Variants in ZZZ3 observed in about 807,000 individuals in gnomAD.
The protein encoded by ZZZ3 is ZZ-type zinc finger-containing protein 3.
ZZZ3 carries 22 observed loss-of-function variants against 95.2 expected under a neutral mutation model. The ratio of observed to expected loss-of-function variants is 0.23; its 90% CI spans 0.17 to 0.33. The LOEUF is 0.33. ZZZ3 is among the 10% of genes least tolerant of loss of function. ZZZ3 has a pLI of 1.00. For synonymous variants in ZZZ3, 335 were observed against 358.9 expected, an observed-to-expected ratio of 0.93 and a Z score of 0.75; for missense variants, 885 against 1,066.5, an observed-to-expected ratio of 0.83 and a Z score of 2.37.
At chr1:77,641,893 C>A (rs1020125880) in intron 1 of ZZZ3, among the ~76,000 whole-genome samples, 2 of 152,088 alleles carry the variant, frequency 1.3e-5, no homozygotes, top group African/African-American at 4.8e-5. Flanking sequence ...AATTTAATTC[C>A]ATACTTAAAC....
chr1:77,624,523 G>A (rs1427927639), intron 5 of ZZZ3, among the ~76,000 whole-genome samples: 1 of 152,044 alleles, frequency 6.6e-6, no homozygotes, highest in Non-Finnish European at 1.5e-5. Flanking sequence ...CTAGATTGGT[G>A]AACACATCTA....
At chr1:77,625,492 C>T (rs936564950) in intron 5 of ZZZ3, among the ~76,000 whole-genome samples, 15 of 151,978 alleles carry the variant, frequency 9.9e-5, no homozygotes, top group Admixed American at 2.0e-4. Flanking sequence ...AGGAAGGTGA[C>T]TCATGAAAGC....
chr1:77,670,109 C>T (rs1671621733), intron 1 of ZZZ3, among the ~76,000 whole-genome samples: 1 of 147,702 alleles, frequency 6.8e-6, no homozygotes. Context: ...AAATTAACAC[C>T]AGCATTTAGG....
chr1:77,594,118 A>C (rs1033946951), intron 5 of ZZZ3, among the ~76,000 whole-genome samples: 1 of 152,138 alleles, frequency 6.6e-6, no homozygotes, highest in Non-Finnish European at 1.5e-5. Context: ...AACTGGGCTT[A>C]TTGGCTCTGC....
rs564427098 is a variant in ZZZ3, at chr1:77,564,884, T to C, written c.*756A>G. 6.5e-6 allele frequency: 1 copy of C among 152,754 alleles called. No individual in the cohort carries two copies. The highest frequency in any genetic ancestry group is 2.4e-5 in the African/African-American group (1 of 41,584). 9.5% of individuals were successfully genotyped at this position (152,754 alleles called of 1,614,324 possible). A position where few individuals can be genotyped will look rare whatever the true frequency, so the allele number is the denominator to read the frequency against. On this transcript the variant is annotated 3_prime_UTR_variant, in exon 15 of 15. Coordinates refer to ENST00000370801, the MANE Select transcript of ZZZ3 (RefSeq NM_015534.6). ...AATTAATGTTGTGAATTAGAAACTT[T>C]ACACAGTTACTACCACTGGCACTTT...
intron 5 of ZZZ3, among the ~76,000 whole-genome samples, chr1:77,612,055 G>C (rs1250232636): frequency 6.6e-6 from 1 of 151,950 alleles, no homozygotes; most frequent in East Asian, 1.9e-4. Flanking sequence ...AAGGAAAAAT[G>C]TTTGCAAATC....
intron 5 of ZZZ3, among the ~76,000 whole-genome samples, chr1:77,622,432 C>T (rs1015805910): frequency 4.1e-4 from 53 of 129,914 alleles, no homozygotes; most frequent in African/African-American, 1.5e-3. Flanking sequence ...AATTAAAGTA[C>T]AAGGAAAAAT....
intron 5 of ZZZ3, among the ~76,000 whole-genome samples, chr1:77,623,393 A>T (rs1667059034): frequency 6.6e-6 from 1 of 152,140 alleles, no homozygotes; most frequent in South Asian, 2.1e-4. Flanking sequence ...GACTCCACAA[A>T]CCAAGCAAAG....
intron 12 of ZZZ3, among the ~76,000 whole-genome samples, chr1:77,573,562 G>A (rs1191477411): frequency 6.6e-6 from 1 of 152,114 alleles, no homozygotes; most frequent in African/African-American, 2.4e-5. Flanking sequence ...CTGATAAATA[G>A]TAAGTTTAAA....
chr1:77,604,180 G>A (rs1364948407), intron 5 of ZZZ3, among the ~76,000 whole-genome samples: 5 of 151,984 alleles, frequency 3.3e-5, no homozygotes, highest in Admixed American at 6.6e-5. Flanking sequence ...GTGGGACGCC[G>A]TTTTAAAAAA....
In ZZZ3 at chr1:77,632,424, A is replaced by G; in HGVS notation, c.931T>C (p.Leu311=). 1 of 1,614,128 alleles carries G rather than the reference A, an allele frequency of 6.2e-7. No homozygotes were observed. The highest frequency in any genetic ancestry group is 8.5e-7 in the Non-Finnish European group (1 of 1,179,998). Residue 311 remains leucine (L), a synonymous_variant, in exon 5 of 15, where the codon TTA becomes CTA. Coordinates refer to ENST00000370801, the MANE Select transcript of ZZZ3 (RefSeq NM_015534.6). ...TCTACTTCCTCCTCAGAATCCCTTA[A>G]AGATGACTGAGTTTCAGAAAAGGGC... The part of the protein sequence containing the change: ...TGPFSETQSS[L]RDSEEEVDVV...
chr1:77,572,386 TGGAGTGCAGTG>T (rs1229686513), intron 12 of ZZZ3, among the ~76,000 whole-genome samples: 1 of 152,278 alleles, frequency 6.6e-6, no homozygotes, highest in African/African-American at 2.4e-5. Flanking sequence ...TCTTCCAGGC[TGGAGTGCAGTG>T]GCACGATCTC....
At chr1:77,629,284 T>C (rs544307479) in intron 5 of ZZZ3, among the ~76,000 whole-genome samples, 11 of 152,112 alleles carry the variant, frequency 7.2e-5, no homozygotes, top group Non-Finnish European at 1.0e-4. Context: ...ATTTCTGATT[T>C]GCTTCCTTTG....
intron 5 of ZZZ3, among the ~76,000 whole-genome samples, chr1:77,621,513 A>AATTTAT (rs1666857370): frequency 6.7e-6 from 1 of 148,990 alleles, no homozygotes; most frequent in Non-Finnish European, 1.5e-5. Context: ...TTTAAATTTA[A>AATTTAT]GTTAAAAAAA....
chr1:77,605,571 G>A (rs1246408639), intron 5 of ZZZ3, among the ~76,000 whole-genome samples: 1 of 152,110 alleles, frequency 6.6e-6, no homozygotes, highest in African/African-American at 2.4e-5. Context: ...AACACAGCTC[G>A]TGACCCCTTT....
At chr1:77,579,224 CA>C (rs1258553382) in intron 10 of ZZZ3, among the ~76,000 whole-genome samples, 2 of 152,090 alleles carry the variant, frequency 1.3e-5, no homozygotes, top group African/African-American at 2.4e-5. Flanking sequence ...GGCAATGAAA[CA>C]AATCTGTTTG....
chr1:77,615,746 C>A (rs191845610), intron 5 of ZZZ3, among the ~76,000 whole-genome samples: 1 of 152,230 alleles, frequency 6.6e-6, no homozygotes, highest in Non-Finnish European at 1.5e-5. Context: ...AGTTGAGTTC[C>A]AAATATATTT....
At chr1:77,614,862 C>T (rs932334036) in intron 5 of ZZZ3, 10 of 152,106 alleles carry the variant, frequency 6.6e-5, no homozygotes, top group African/African-American at 2.2e-4. Context: ...ATAAATAGAA[C>T]ATTCATGTTT....
rs544774682 is a variant in ZZZ3 at position 77,664,125 on chromosome 1, T to C, written c.-403+18460A>G. Among the ~76,000 whole-genome samples the C allele has an allele frequency of 6.6e-5, 10 of 152,240 alleles. No individual in the cohort carries two copies. The South Asian group carries it at 1.5e-3, about 22-fold the overall frequency. On this transcript the variant is annotated intron_variant, in intron 1 of 14. Transcript: ENST00000370801. Reference sequence around the variant, plus strand: ...CAAACTATCTACTCTTTCTGTTCTATTGTTATTGCTCCAGCTCAGGCCATC... The same window carrying C: ...CAAACTATCTACTCTTTCTGTTCTACTGTTATTGCTCCAGCTCAGGCCATC...
Sources: allele counts gnomAD v4.1 joint callset (sites outside exome capture counted in the v4.1 genomes callset), GRCh38; gene constraint gnomAD v4.1.1; transcripts MANE v1.5; gene names NCBI Gene and HGNC (gene_info 2026-07-23, HGNC 2026-07-21).